The following EPB41L4A variants were observed in gnomAD, a reference collection of about 807,000 sequenced individuals.
EPB41L4A encodes band 4.1-like protein 4A.
Under a neutral mutation model 108.6 loss-of-function variants are expected in EPB41L4A, and 100 were observed. The ratio of observed to expected loss-of-function variants is 0.92; its 90% CI spans 0.78 to 1.09. The LOEUF (loss-of-function observed/expected upper bound fraction) is 1.09, where lower values mean the gene tolerates loss of function less well. Ranked by LOEUF, EPB41L4A falls within the 50% of genes least tolerant of loss-of-function variation. The pLI is 0.00. For missense variants in EPB41L4A, 1,030 were observed against 842.7 expected (o/e 1.22, Z -2.75); for synonymous variants, 319 against 289.0 (o/e 1.10, Z -1.05).
chr5:112,144,453 T>C (rs553164345), intron 13 of EPB41L4A, among the ~76,000 whole-genome samples: 1 of 152,248 alleles, frequency 6.6e-6, no homozygotes, highest in East Asian at 1.9e-4. Flanking sequence ...ACTCAGCTAA[T>C]TTTTTGTAGA....
In EPB41L4A at chr5:112,364,620, T is replaced by TA. The variant is rs1278192198; in HGVS notation, c.99+54320dup. On this transcript the variant is annotated intron_variant, in intron 1 of 22. Transcript: ENST00000261486. ...ACTCAAAAGAAAATCATGCTATAGT[T>TA]AAGCATTTTTTCCCTCCTATCAAAT... is the stretch of plus-strand genomic sequence containing the variant. 2.6e-5 allele frequency among the ~76,000 whole-genome samples: 4 copies of TA among 152,350 alleles called. No individual in the cohort carries two copies. The East Asian group carries it at 7.7e-4, about 29-fold the overall frequency.
intron 2 of EPB41L4A, among the ~76,000 whole-genome samples, chr5:112,298,182 A>T (rs1438915488): frequency 6.6e-6 from 1 of 152,052 alleles, no homozygotes; most frequent in East Asian, 1.9e-4. Context: ...TGGTATTTTG[A>T]TGGAAATTGT....
chr5:112,396,341 C>A (rs954571231), intron 1 of EPB41L4A, among the ~76,000 whole-genome samples: 3 of 152,214 alleles, frequency 2.0e-5, no homozygotes, highest in Non-Finnish European at 4.4e-5. Context: ...CTTCCAGATA[C>A]ATACTCAGTT....
At chr5:112,345,819 A>G (rs897928910) in intron 1 of EPB41L4A, among the ~76,000 whole-genome samples, 6 of 149,218 alleles carry the variant, frequency 4.0e-5, no homozygotes, top group South Asian at 2.2e-4. Flanking sequence ...ACACACACAC[A>G]CACGCACACA....
intron 1 of EPB41L4A, among the ~76,000 whole-genome samples, chr5:112,383,079 A>G (rs1285479679): frequency 6.6e-6 from 1 of 152,232 alleles, no homozygotes; most frequent in Non-Finnish European, 1.5e-5. Context: ...GAGGATCCTC[A>G]GAAGTGCATG....
chr5:112,253,125 C>G (rs1750809750), intron 9 of EPB41L4A, among the ~76,000 whole-genome samples: 1 of 152,128 alleles, frequency 6.6e-6, no homozygotes, highest in African/African-American at 2.4e-5. Flanking sequence ...TTTAAAGTAT[C>G]TCCCCACAGA....
chr5:112,396,744 A>C (rs1287139195), intron 1 of EPB41L4A, among the ~76,000 whole-genome samples: 1 of 152,158 alleles, frequency 6.6e-6, no homozygotes, highest in East Asian at 1.9e-4. Flanking sequence ...AAACAGACAG[A>C]CAGAGACAGA....
chr5:112,179,989 A>T (rs900797139), intron 18 of EPB41L4A, among the ~76,000 whole-genome samples: 1 of 152,212 alleles, frequency 6.6e-6, no homozygotes, highest in Admixed American at 6.5e-5. Context: ...ATGTAGCATC[A>T]GTATTTTTAA....
chr5:112,314,765 C>G (rs1755322309), intron 1 of EPB41L4A, among the ~76,000 whole-genome samples: 1 of 151,502 alleles, frequency 6.6e-6, no homozygotes, highest in African/African-American at 2.4e-5. Flanking sequence ...TGCACTCCAG[C>G]CTGGGTGACG....
chr5:112,319,541 A>T (rs1020217108), intron 1 of EPB41L4A, among the ~76,000 whole-genome samples: 13 of 152,218 alleles, frequency 8.5e-5, no homozygotes, highest in African/African-American at 3.1e-4. Context: ...CAACAACAGC[A>T]AAAAATACAG....
At chr5:112,220,106 A>G (rs1438431850) in intron 12 of EPB41L4A, among the ~76,000 whole-genome samples, 1 of 152,240 alleles carries the variant, frequency 6.6e-6, no homozygotes. Flanking sequence ...CAGTTTAGCA[A>G]CAAGTCTATT....
At chr5:112,215,535 G>A (rs1216546860) in intron 12 of EPB41L4A, among the ~76,000 whole-genome samples, 1 of 152,098 alleles carries the variant, frequency 6.6e-6, no homozygotes, top group Admixed American at 6.5e-5. Flanking sequence ...GGCCAAGGCG[G>A]GCGGATCATG....
chr5:112,264,360 T>G (rs1751700786), intron 6 of EPB41L4A: 1 of 152,404 alleles, frequency 6.6e-6, no homozygotes, highest in African/African-American at 2.4e-5. Flanking sequence ...CATCACTATT[T>G]CCAGACTCGT....
At chr5:112,166,326 G>A (rs1414783228) in intron 22 of EPB41L4A, among the ~76,000 whole-genome samples, 1 of 152,218 alleles carries the variant, frequency 6.6e-6, no homozygotes, top group African/African-American at 2.4e-5. Context: ...GCAGCCAGAT[G>A]AGTGGCTTCC....
intron 1 of EPB41L4A, among the ~76,000 whole-genome samples, chr5:112,348,869 A>G (rs1257383485): frequency 6.6e-6 from 1 of 152,238 alleles, no homozygotes. Context: ...CAATGTTGAC[A>G]CCAAATACTA....
intron 8 of EPB41L4A, among the ~76,000 whole-genome samples, chr5:112,259,554 G>A (rs1483910190): frequency 2.6e-5 from 4 of 152,174 alleles, no homozygotes; most frequent in African/African-American, 4.8e-5. Flanking sequence ...ACACAGTGCA[G>A]AGCCATGGGC....
chr5:112,169,127 A>G (rs763795979), intron 20 of EPB41L4A, 22 bp from the exon 21 acceptor site: 22 of 1,543,132 alleles, frequency 1.4e-5, no homozygotes, highest in Non-Finnish European at 2.7e-6. Context: ...ACCAAGAAAC[A>G]TGAAAACAAA....
chr5:112,256,013 A>G (rs950542594), intron 9 of EPB41L4A, among the ~76,000 whole-genome samples: 84 of 152,150 alleles, frequency 5.5e-4, no homozygotes, highest in African/African-American at 2.0e-3. Context: ...GCCCACATTC[A>G]GGAAACCCTG....
At chr5:112,313,216 T>C (rs1755161705) in intron 1 of EPB41L4A, among the ~76,000 whole-genome samples, 2 of 152,200 alleles carry the variant, frequency 1.3e-5, no homozygotes, top group Non-Finnish European at 2.9e-5. Context: ...CCTAGGGCTA[T>C]GAAGCGACTA....
Sources: allele counts gnomAD v4.1 joint callset (sites outside exome capture counted in the v4.1 genomes callset), GRCh38; gene constraint gnomAD v4.1.1; transcripts MANE v1.5; gene names NCBI Gene and HGNC (gene_info 2026-07-23, HGNC 2026-07-21).